Variants in SHISA9 observed in about 807,000 individuals in gnomAD.
SHISA9 encodes the protein protein shisa-9.
In SHISA9, 13 loss-of-function variants were observed where a neutral mutation model predicts 38.0. The ratio of observed to expected loss-of-function variants is 0.34; its 90% confidence interval spans 0.22 to 0.54. The LOEUF (loss-of-function observed/expected upper bound fraction) is 0.54. SHISA9 is among the 20% of genes least tolerant of loss of function. SHISA9 has a pLI of 0.91. For synonymous variants in SHISA9, 275 were observed against 242.0 expected (o/e 1.14, Z -1.27); for missense variants, 538 against 575.8 (o/e 0.93, Z 0.67).
chr16:13,343,379 T>C, the SHISA9 span, among the ~76,000 whole-genome samples: 1 of 152,182 alleles, frequency 6.6e-6, no homozygotes, highest in East Asian at 1.9e-4. Flanking sequence ...CCCACTTTTT[T>C]CTTTTTCTCT....
chr16:13,445,383 G>T, the SHISA9 span, among the ~76,000 whole-genome samples: 2 of 152,100 alleles, frequency 1.3e-5, no homozygotes, highest in Non-Finnish European at 2.9e-5. Flanking sequence ...TGGAGATAAA[G>T]GTTGTGTCCT....
chr16:13,534,224 C>CTTTTTTTT, the SHISA9 span, among the ~76,000 whole-genome samples: 1 of 125,828 alleles, frequency 7.9e-6, no homozygotes. Flanking sequence ...CACCATTTCA[C>CTTTTTTTT]TTTTTTTTTT....
At position 13,238,205 on chromosome 16, in the gene SHISA9, A is replaced by G. The variant is rs1036703834; in HGVS notation, c.*2796A>G. The G allele has an allele frequency of 3.9e-5, 6 of 152,156 alleles. No homozygotes were observed. Among genetic ancestry groups the G allele is most frequent in the Non-Finnish European group, 7.3e-5 (5 of 68,038 alleles). 9.4% of individuals were successfully genotyped at this position (152,156 alleles called of 1,614,324 possible). ...TAATTGTTAAAAATACCAGCACCCA[A>G]TGAAGACTTTCTCTTTGTACTAATA... On this transcript the variant is annotated 3_prime_UTR_variant, in exon 5 of 5. Coordinates refer to ENST00000558583, the MANE Select transcript of SHISA9 (RefSeq NM_001145204.3).
In SHISA9 at chr16:12,966,206, C is replaced by A. The variant is rs367660880; in HGVS notation, c.691+49391C>A. Among the ~76,000 whole-genome samples, 11 of 152,190 alleles carry A rather than the reference C, an allele frequency of 7.2e-5. No individual in the cohort carries two copies. In the East Asian group the frequency reaches 1.2e-3, roughly 16 times the overall value. On this transcript the variant is annotated intron_variant, in intron 2 of 4. Coordinates refer to ENST00000558583, the MANE Select transcript of SHISA9 (RefSeq NM_001145204.3). ...TGGCTGAAACTGAATGTGTTCTGTGCTGGATACTTCACTTTCCTACATCTA... is the reference window on the plus strand; with the variant it reads ...TGGCTGAAACTGAATGTGTTCTGTGATGGATACTTCACTTTCCTACATCTA...
chr16:13,096,817 A>G (rs1367121437), intron 2 of SHISA9, among the ~76,000 whole-genome samples: 3 of 151,834 alleles, frequency 2.0e-5, no homozygotes, highest in African/African-American at 7.3e-5. Flanking sequence ...TGGATGTGCT[A>G]TTTTTTCAAC....
intron 2 of SHISA9, among the ~76,000 whole-genome samples, chr16:13,085,174 C>A (rs2073696782): frequency 6.6e-6 from 1 of 152,214 alleles, no homozygotes; most frequent in Non-Finnish European, 1.5e-5. Flanking sequence ...GCAGACTCAA[C>A]TGGCATGGCC....
chr16:13,069,804 G>A (rs950205554), intron 2 of SHISA9, among the ~76,000 whole-genome samples: 19 of 152,072 alleles, frequency 1.2e-4, no homozygotes, highest in Admixed American at 1.2e-3. Flanking sequence ...CTCATGAATG[G>A]GATCTGTACC....
intron 2 of SHISA9, among the ~76,000 whole-genome samples, chr16:12,924,841 G>A (rs1350672704): frequency 6.6e-6 from 1 of 152,160 alleles, no homozygotes; most frequent in Admixed American, 6.5e-5. Flanking sequence ...TATTTGCTGT[G>A]TACTTGTTCA....
chr16:13,059,402 C>T (rs907374479), intron 2 of SHISA9, among the ~76,000 whole-genome samples: 4 of 152,108 alleles, frequency 2.6e-5, no homozygotes, highest in African/African-American at 7.2e-5. Flanking sequence ...GCTGGGATTA[C>T]AGGCGTGAGC....
At chr16:13,371,275 T>C in the SHISA9 span, among the ~76,000 whole-genome samples, 2 of 152,212 alleles carry the variant, frequency 1.3e-5, no homozygotes, top group Non-Finnish European at 2.9e-5. Flanking sequence ...ATTTACTCTG[T>C]ATCTGGGGAA....
the SHISA9 span, among the ~76,000 whole-genome samples, chr16:13,350,003 T>A: frequency 7.6e-4 from 116 of 152,334 alleles, 1 homozygote; most frequent in African/African-American, 2.7e-3. Context: ...AAATAGCTGC[T>A]AAGGTATTAT....
At chr16:13,421,361 C>T in the SHISA9 span, among the ~76,000 whole-genome samples, 3 of 152,290 alleles carry the variant, frequency 2.0e-5, no homozygotes, top group South Asian at 6.2e-4. Flanking sequence ...GCTGAGGAGT[C>T]CTCAGAATCA....
chr16:13,371,401 C>A, the SHISA9 span, among the ~76,000 whole-genome samples: 21 of 152,280 alleles, frequency 1.4e-4, no homozygotes, highest in East Asian at 1.9e-3. Context: ...ATCCTCCAAA[C>A]GACATCATCT....
chr16:12,947,189 C>G (rs191200107), intron 2 of SHISA9, among the ~76,000 whole-genome samples: 12 of 152,202 alleles, frequency 7.9e-5, no homozygotes, highest in African/African-American at 2.9e-4. Context: ...CCTTCAAGGA[C>G]TAGTGGGTTA....
At chr16:13,095,325 G>T (rs73520648) in intron 2 of SHISA9, among the ~76,000 whole-genome samples, 1 of 152,366 alleles carries the variant, frequency 6.6e-6, no homozygotes, top group East Asian at 1.9e-4. Context: ...GGAGTGGTCA[G>T]CTTTGCTGTT....
At chr16:13,494,980 A>T in the SHISA9 span, among the ~76,000 whole-genome samples, 3 of 152,214 alleles carry the variant, frequency 2.0e-5, no homozygotes, top group East Asian at 5.8e-4. Context: ...ATCTGACAAG[A>T]TTACATACTG....
At chr16:13,480,201 C>T in the SHISA9 span, among the ~76,000 whole-genome samples, 46 of 152,146 alleles carry the variant, frequency 3.0e-4, no homozygotes, top group Non-Finnish European at 4.7e-4. Context: ...TTCTAACATG[C>T]AGAGAAAACA....
At chr16:13,450,322 T>G in the SHISA9 span, among the ~76,000 whole-genome samples, 1 of 152,168 alleles carries the variant, frequency 6.6e-6, no homozygotes, top group African/African-American at 2.4e-5. Flanking sequence ...CCCAACAAGG[T>G]CTAAGGCATG....
At chr16:13,191,150 G>A (rs1039793273) in intron 2 of SHISA9, among the ~76,000 whole-genome samples, 3 of 152,154 alleles carry the variant, frequency 2.0e-5, no homozygotes, top group African/African-American at 7.2e-5. Context: ...AAAGGTTGCT[G>A]GCATAAAGAT....
Sources: allele counts gnomAD v4.1 joint callset (sites outside exome capture counted in the v4.1 genomes callset), GRCh38; gene constraint gnomAD v4.1.1; transcripts MANE v1.5; gene names NCBI Gene and HGNC (gene_info 2026-07-23, HGNC 2026-07-21).